Variants in SLC25A21 observed in about 807,000 individuals in gnomAD.
SLC25A21 encodes mitochondrial 2-oxodicarboxylate carrier.
Under a neutral mutation model 43.8 loss-of-function variants are expected in SLC25A21, and 47 were observed. That is an observed-to-expected ratio of 1.07 (90% confidence interval 0.85 to 1.37). The LOEUF is 1.37. Among genes scored for constraint, SLC25A21 ranks in the 40% most tolerant of loss-of-function variants. The probability of loss-of-function intolerance (pLI) is 0.00; values close to 1 mark genes in which losing one functional copy is unlikely to be tolerated. For missense variants in SLC25A21, 352 were observed against 350.2 expected (o/e 1.00, Z -0.04); for synonymous variants, 131 against 121.3 (o/e 1.08, Z -0.52).
intron 2 of SLC25A21, among the ~76,000 whole-genome samples, chr14:36,858,057 A>G (rs1889954920): frequency 6.6e-6 from 1 of 152,192 alleles, no homozygotes; most frequent in African/African-American, 2.4e-5. Flanking sequence ...GAGGGTTATA[A>G]TTTGACACCT....
chr14:36,876,932 G>GACAA (rs1890549438), intron 1 of SLC25A21, among the ~76,000 whole-genome samples: 1 of 149,776 alleles, frequency 6.7e-6, no homozygotes, highest in African/African-American at 2.5e-5. Context: ...TAGATAGATA[G>GACAA]ATAGATACAC....
At chr14:36,976,467 G>T (rs999856503) in intron 1 of SLC25A21, among the ~76,000 whole-genome samples, 1 of 151,924 alleles carries the variant, frequency 6.6e-6, no homozygotes, top group Admixed American at 6.6e-5. Context: ...TGATTTTGTT[G>T]AGCCTACATT....
intron 2 of SLC25A21, among the ~76,000 whole-genome samples, chr14:36,869,356 A>G (rs1890301427): frequency 6.6e-6 from 1 of 152,136 alleles, no homozygotes; most frequent in South Asian, 2.1e-4. Context: ...CACAGGGACA[A>G]AGAGGGTGGA....
chr14:36,863,055 G>C lies in SLC25A21; in HGVS notation c.119+11901C>G, dbSNP rs549332285. 1.4e-3 allele frequency among the ~76,000 whole-genome samples: 214 copies of C among 152,236 alleles called. 1 individual carries two copies. The highest frequency in any genetic ancestry group is 4.7e-3 in the African/African-American group (194 of 41,560). On this transcript the variant is annotated intron_variant, in intron 2 of 9. Transcript: ENST00000331299. The stretch of plus-strand genomic sequence containing the variant: ...ACTAGGGGGAGGAATGAAGGAAACA[G>C]TCATCATGCTGATGCTCATTTTAGA...
intron 1 of SLC25A21, among the ~76,000 whole-genome samples, chr14:36,933,368 A>G (rs764001337): frequency 1.2e-4 from 18 of 152,106 alleles, no homozygotes; most frequent in Non-Finnish European, 2.5e-4. Flanking sequence ...CCTGAAGGCT[A>G]TGCTACCAGG....
At chr14:37,163,098 A>G (rs920477088) in intron 1 of SLC25A21, among the ~76,000 whole-genome samples, 1 of 149,042 alleles carries the variant, frequency 6.7e-6, no homozygotes, top group African/African-American at 2.5e-5. Context: ...CAATGAGAAC[A>G]CATGGACACA....
intron 1 of SLC25A21, among the ~76,000 whole-genome samples, chr14:36,952,857 G>T (rs1409866350): frequency 6.6e-6 from 1 of 152,208 alleles, no homozygotes; most frequent in Non-Finnish European, 1.5e-5. Context: ...AAGTTGTCAT[G>T]TTTCAGGAAT....
chr14:36,701,680 G>A, intron 7 of SLC25A21, among the ~76,000 whole-genome samples: 1 of 152,158 alleles, frequency 6.6e-6, no homozygotes, highest in Non-Finnish European at 1.5e-5. Flanking sequence ...GATATAATAT[G>A]TATTGTATAT....
chr14:36,871,381 T>C (rs1890368805), intron 2 of SLC25A21, among the ~76,000 whole-genome samples: 1 of 152,288 alleles, frequency 6.6e-6, no homozygotes, highest in South Asian at 2.1e-4. Context: ...TCCAGTATGG[T>C]GAGAAATAAA....
At chr14:37,079,536 C>T (rs79092068) in intron 1 of SLC25A21, among the ~76,000 whole-genome samples, 8 of 152,158 alleles carry the variant, frequency 5.3e-5, no homozygotes, top group Admixed American at 1.3e-4. Context: ...TTGGAGTTAC[C>T]GGAGTGATCA....
intron 1 of SLC25A21, among the ~76,000 whole-genome samples, chr14:37,012,688 G>A (rs1332093302): frequency 2.0e-5 from 3 of 152,082 alleles, no homozygotes; most frequent in African/African-American, 4.8e-5. Flanking sequence ...CTGAATGTGC[G>A]TGGTAAGCCG....
intron 3 of SLC25A21, among the ~76,000 whole-genome samples, chr14:36,795,185 AT>A (rs1887633367): frequency 6.6e-6 from 1 of 152,212 alleles, no homozygotes; most frequent in Non-Finnish European, 1.5e-5. Context: ...AAAAATCAAA[AT>A]TAGAATATGA....
At chr14:36,797,468 C>CA (rs1309880948) in intron 3 of SLC25A21, among the ~76,000 whole-genome samples, 2 of 152,006 alleles carry the variant, frequency 1.3e-5, no homozygotes, top group Admixed American at 6.6e-5. Flanking sequence ...GCAAAACAAA[C>CA]AAAAAAATTC....
chr14:36,946,121 A>G (rs1892674686), intron 1 of SLC25A21, among the ~76,000 whole-genome samples: 2 of 152,222 alleles, frequency 1.3e-5, no homozygotes. Flanking sequence ...TATAGCAAGA[A>G]GCAAGTAGAA....
chr14:36,771,303 A>C (rs1886609829), intron 3 of SLC25A21, among the ~76,000 whole-genome samples: 1 of 152,256 alleles, frequency 6.6e-6, no homozygotes, highest in African/African-American at 2.4e-5. Flanking sequence ...GATACAAAAT[A>C]AATCACTGAT....
chr14:36,966,269 T>C (rs1959613636), intron 1 of SLC25A21, among the ~76,000 whole-genome samples: 1 of 152,146 alleles, frequency 6.6e-6, no homozygotes, highest in African/African-American at 2.4e-5. Context: ...AGGTGTGTTG[T>C]GGGGAGTTGC....
intron 9 of SLC25A21, among the ~76,000 whole-genome samples, 195 bp from the exon 10 acceptor site, chr14:36,680,914 G>A (rs1882220552): frequency 6.6e-6 from 1 of 152,152 alleles, no homozygotes; most frequent in Non-Finnish European, 1.5e-5. Flanking sequence ...ACCATCTTGA[G>A]TCTCCAAATA....
At chr14:37,097,364 G>T (rs1406743256) in intron 1 of SLC25A21, among the ~76,000 whole-genome samples, 1 of 152,098 alleles carries the variant, frequency 6.6e-6, no homozygotes, top group Non-Finnish European at 1.5e-5. Context: ...GCCTCCCAAA[G>T]TGCTGGGATT....
At chr14:36,819,360 C>A (rs1434387695) in intron 2 of SLC25A21, among the ~76,000 whole-genome samples, 1 of 152,018 alleles carries the variant, frequency 6.6e-6, no homozygotes, top group African/African-American at 2.4e-5. Flanking sequence ...TTTTTAAAGA[C>A]AAAAAATGTT....
Sources: allele counts gnomAD v4.1 joint callset (sites outside exome capture counted in the v4.1 genomes callset), GRCh38; gene constraint gnomAD v4.1.1; transcripts MANE v1.5; gene names NCBI Gene and HGNC (gene_info 2026-07-23, HGNC 2026-07-21).